The following IFNGR1 variants were observed in gnomAD, a reference collection of about 807,000 sequenced individuals.
IFNGR1 encodes the protein AVP, type 2.
IFNGR1 carries 23 observed loss-of-function variants against 35.4 expected under a neutral mutation model. The ratio of observed to expected loss-of-function variants is 0.65; its 90% CI spans 0.47 to 0.92. The LOEUF is 0.92. Ranked by LOEUF, IFNGR1 falls within the 40% of genes least tolerant of loss-of-function variation. IFNGR1 has a pLI of 0.00. For missense variants in IFNGR1, 533 were observed against 583.4 expected, an observed-to-expected ratio of 0.91 and a Z score of 0.89; for synonymous variants, 199 against 209.5, an observed-to-expected ratio of 0.95 and a Z score of 0.43.
intron 5 of IFNGR1, among the ~76,000 whole-genome samples, 194 bp from the exon 6 acceptor site, chr6:137,201,202 T>G (rs1470446805): frequency 6.6e-6 from 1 of 152,224 alleles, no homozygotes; most frequent in African/African-American, 2.4e-5. Flanking sequence ...GCAATATGGT[T>G]CTTCCCAGCT....
At chr6:137,218,173 AT>A (rs1043954887) in intron 1 of IFNGR1, among the ~76,000 whole-genome samples, 1 of 152,164 alleles carries the variant, frequency 6.6e-6, no homozygotes, top group Non-Finnish European at 1.5e-5. Flanking sequence ...CCGTAACTCA[AT>A]TTCTCGTCCA....
intron 6 of IFNGR1, among the ~76,000 whole-genome samples, chr6:137,199,348 T>A (rs986859651): frequency 1.8e-4 from 23 of 128,092 alleles, no homozygotes; most frequent in Middle Eastern, 3.8e-3. Context: ...AATATATAAT[T>A]TATAATTTAT....
chr6:137,216,354 T>C (rs1011443156), intron 1 of IFNGR1, among the ~76,000 whole-genome samples: 1 of 152,222 alleles, frequency 6.6e-6, no homozygotes, highest in Non-Finnish European at 1.5e-5. Context: ...TGGCACACCC[T>C]GATTCACTTA....
rs1273041625 is a variant in IFNGR1, at chr6:137,206,232, C to T, written c.277G>A (p.Asp93Asn). 9 of 1,612,014 alleles carry T rather than the reference C, an allele frequency of 5.6e-6. No individual in the cohort carries two copies. Among genetic ancestry groups the T allele is most frequent in the Non-Finnish European group, 7.6e-6 (9 of 1,178,076 alleles). ...HYCNISDHVG[D>N]PSNSLWVRVK... Reference sequence around the variant, plus strand: ...CTGACCCAAAGAGAATTTGATGGATCACCAACATGATCAGAAATATTACAA... The same window carrying T: ...CTGACCCAAAGAGAATTTGATGGATTACCAACATGATCAGAAATATTACAA... Residue 93 changes from aspartate to asparagine, a missense_variant, in exon 3 of 7, where the codon GAT (aspartate) becomes AAT (asparagine). Transcript: ENST00000367739.
Position 137,216,868 on chromosome 6 carries a change from G to C in IFNGR1, c.85+2375C>G, listed in dbSNP as rs531836601. ...GAAAGGCTTCACAAAAGTGACCCCA[G>C]TTTTAGAACGAGAGGTACAGAGACA... is the stretch of plus-strand genomic sequence containing the variant. On this transcript the variant is annotated intron_variant, in intron 1 of 6. Coordinates refer to ENST00000367739, the MANE Select transcript of IFNGR1 (RefSeq NM_000416.3). Among the ~76,000 whole-genome samples the C allele has an allele frequency of 1.1e-4, 17 of 152,322 alleles. No individual in the cohort carries two copies. In the South Asian group the frequency reaches 3.5e-3, roughly 32 times the overall value.
Position 137,219,264 on chromosome 6 carries a change from C to T in IFNGR1, c.64G>A (p.Ala22Thr). The change falls in exon 1 of 7, where the codon GCG (alanine) becomes ACG (threonine). Residue 22 changes from alanine to threonine, a missense_variant. Transcript: ENST00000367739. ...GTACCTGAGGACGGCCCCAGATCCG[C>T]GGTGCCCATCTCAGCCCTGCTCACA... Reference protein sequence around the residue: ...QGVSRAEMGTADLGPSSVPTP... With the variant: ...QGVSRAEMGTTDLGPSSVPTP... 1 of 1,611,538 alleles carries T rather than the reference C, an allele frequency of 6.2e-7. No homozygotes were observed. The highest frequency in any genetic ancestry group is 8.5e-7 in the Non-Finnish European group (1 of 1,179,132).
intron 5 of IFNGR1, among the ~76,000 whole-genome samples, chr6:137,202,599 GTA>G (rs908634038): frequency 6.9e-5 from 6 of 86,532 alleles, no homozygotes; most frequent in Admixed American, 2.6e-4. Context: ...AAAAATATAT[GTA>G]TACACACACA....
intron 1 of IFNGR1, chr6:137,218,457 A>G (rs1779759813): frequency 7.8e-6 from 10 of 1,285,146 alleles, no homozygotes; most frequent in Non-Finnish European, 1.0e-5. Context: ...CTACTGCCAA[A>G]TCTGCTAGTG....
intron 1 of IFNGR1, chr6:137,215,470 G>C (rs1779671598): frequency 1.4e-6 from 1 of 720,200 alleles, no homozygotes; most frequent in Non-Finnish European, 2.1e-6. Flanking sequence ...CTATGCATTA[G>C]GATAATCTAA....
At chr6:137,201,288 C>G (rs1779271029) in intron 5 of IFNGR1, among the ~76,000 whole-genome samples, 1 of 152,150 alleles carries the variant, frequency 6.6e-6, no homozygotes, top group South Asian at 2.1e-4. Flanking sequence ...CAATAATTTC[C>G]TTACAGCCCT....
chr6:137,212,865 G>T, intron 1 of IFNGR1, among the ~76,000 whole-genome samples: 1 of 152,202 alleles, frequency 6.6e-6, no homozygotes, highest in East Asian at 1.9e-4. Flanking sequence ...AGACAGACAG[G>T]TGGTAGGAGG....
intron 1 of IFNGR1, among the ~76,000 whole-genome samples, chr6:137,210,165 A>G (rs924319518): frequency 3.3e-5 from 5 of 152,150 alleles, no homozygotes; most frequent in Admixed American, 6.5e-5. Flanking sequence ...CTGTCTCCGC[A>G]AATAATTAAA....
chr6:137,214,576 C>T (rs561743840), intron 1 of IFNGR1, among the ~76,000 whole-genome samples: 3 of 152,192 alleles, frequency 2.0e-5, no homozygotes. Context: ...CCTCGCACCA[C>T]CACCAAGTTG....
intron 5 of IFNGR1, among the ~76,000 whole-genome samples, chr6:137,202,395 CG>C (rs1210438245): frequency 6.6e-6 from 1 of 152,076 alleles, no homozygotes; most frequent in Non-Finnish European, 1.5e-5. Context: ...AATAGCATAA[CG>C]AAAATTAGCA....
At chr6:137,215,431 A>C (rs146286192) in intron 1 of IFNGR1, 149 of 1,148,818 alleles carry the variant, frequency 1.3e-4, no homozygotes, top group Non-Finnish European at 1.7e-4. Context: ...AATACACAAG[A>C]CCTAAACAGA....
intron 2 of IFNGR1, among the ~76,000 whole-genome samples, 158 bp from the exon 3 acceptor site, chr6:137,206,466 C>A (rs1280058298): frequency 6.6e-6 from 1 of 152,208 alleles, no homozygotes; most frequent in African/African-American, 2.4e-5. Context: ...GAAACCCTTA[C>A]TCTTTAGTTA....
intron 6 of IFNGR1, 71 bp from the exon 7 acceptor site, chr6:137,198,710 G>A: frequency 8.1e-7 from 1 of 1,232,650 alleles, no homozygotes; most frequent in East Asian, 2.3e-5. Flanking sequence ...AAAAAACAAA[G>A]GTCTGAAGTA....
chr6:137,211,659 G>GT (rs1779577499), intron 1 of IFNGR1, among the ~76,000 whole-genome samples: 1 of 152,086 alleles, frequency 6.6e-6, no homozygotes, highest in Admixed American at 6.5e-5. Context: ...TTGGCTCTTT[G>GT]TTTTTTGTAG....
chr6:137,199,582 A>G (rs798245), intron 6 of IFNGR1, among the ~76,000 whole-genome samples: 1 of 109,892 alleles, frequency 9.1e-6, no homozygotes, highest in Non-Finnish European at 1.8e-5. Context: ...ATAATATATA[A>G]AATATAGATT....
Sources: gnomAD v4.1 joint callset for allele counts (sites outside exome capture counted in the v4.1 genomes callset) on GRCh38, gnomAD v4.1.1 for gene constraint, MANE v1.5 for transcripts, NCBI Gene and HGNC (gene_info 2026-07-23, HGNC 2026-07-21) for gene names.